The following GK variants were observed in gnomAD, a reference collection of about 807,000 sequenced individuals.
GK encodes the protein glycerol kinase.
GK carries 9 observed loss-of-function variants against 56.4 expected under a neutral mutation model. The ratio of observed to expected loss-of-function variants is 0.16; its 90% CI spans 0.10 to 0.28. The LOEUF is 0.28. GK is among the 10% of genes least tolerant of loss of function. The pLI is 1.00. For synonymous variants in GK, 104 were observed against 144.1 expected (o/e 0.72, Z 1.99); for missense variants, 161 against 431.4 (o/e 0.37, Z 5.55).
At chrX:30,682,464 G>A (rs967519875) in intron 4 of GK, among the ~76,000 whole-genome samples, 1 of 111,762 alleles carries the variant, frequency 8.9e-6, no homozygotes, top group Non-Finnish European at 1.9e-5. Context: ...AAGGGAAATA[G>A]GAAAGGAGGA....
intron 18 of GK, chrX:30,721,318 G>GTCTC: frequency 3.9e-6 from 1 of 255,353 alleles, no homozygotes; most frequent in South Asian, 4.5e-5. Context: ...TTGAGACGGA[G>GTCTC]TCTCACTTTG....
At chrX:30,720,526 G>C (rs1023968822) in intron 16 of GK, 95 bp from the exon 17 acceptor site, 2 of 799,082 alleles carry the variant, frequency 2.5e-6, no homozygotes, top group Middle Eastern at 4.2e-4. Flanking sequence ...ATAGGCTCTT[G>C]GAAGCTCTTG....
intron 20 of GK, 25 bp downstream of exon 20, chrX:30,727,577 A>T: frequency 1.1e-6 from 1 of 905,723 alleles, no homozygotes; most frequent in Non-Finnish European, 1.6e-6. Flanking sequence ...AAATTAGACA[A>T]CTCTATTAGT....
intron 6 of GK, 32 bp from the exon 7 acceptor site, chrX:30,696,010 C>A (rs1254436786): frequency 1.3e-6 from 1 of 769,195 alleles, no homozygotes; most frequent in African/African-American, 2.0e-5. Context: ...CCAATAAGTA[C>A]AAATTTAACC....
intron 3 of GK, among the ~76,000 whole-genome samples, chrX:30,676,003 C>T (rs1337086866): frequency 3.6e-5 from 4 of 112,049 alleles, no homozygotes; most frequent in Non-Finnish European, 7.5e-5. Flanking sequence ...GTTGGCCAGG[C>T]TGATCTTGAG....
chrX:30,703,222 CAA>C (rs1207068149), intron 11 of GK, among the ~76,000 whole-genome samples: 2 of 111,853 alleles, frequency 1.8e-5, no homozygotes, highest in Admixed American at 1.9e-4. Flanking sequence ...AGGGAAGTGA[CAA>C]AAAATATAAA....
At chrX:30,664,702 C>CT (rs35313243) in intron 1 of GK, among the ~76,000 whole-genome samples, 14,663 of 57,666 alleles carry the variant, frequency 0.25, 2,016 homozygotes, top group Non-Finnish European at 0.29. Flanking sequence ...ACTCTATTGC[C>CT]TTTTTTTTTT....
At chrX:30,668,301 G>A (rs759505335) in intron 3 of GK, among the ~76,000 whole-genome samples, 183 bp downstream of exon 3, 2 of 112,559 alleles carry the variant, frequency 1.8e-5, no homozygotes, top group East Asian at 5.5e-4. Context: ...TTGGATGGGG[G>A]CGAGATAATA....
At chrX:30,696,496 C>T (rs1197405868) in intron 7 of GK, 121 bp from the exon 8 acceptor site, 1 of 540,189 alleles carries the variant, frequency 1.9e-6, no homozygotes, top group East Asian at 3.4e-5. Context: ...TGCTATCTAA[C>T]TCCATGCTCA....
In GK at chrX:30,720,090, C is replaced by T. The variant is rs761879539; in HGVS notation, c.1231C>T (p.Arg411Ter). The change falls in exon 16 of 21, where the codon CGA becomes TGA. Residue 411 changes from arginine to a stop codon, truncating the protein, a stop_gained. Transcript: ENST00000427190. LOFTEE classifies it high-confidence loss of function. ...AALEAVCFQT[R>*]EILDAMNRDC... is the part of the protein sequence containing the mutation. ...ATTAGAAGCTGTTTGTTTCCAAACT[C>T]GAGAGGTAACAAATATGGGCCTGTT... is the stretch of plus-strand genomic sequence containing the variant. 8.6e-7 allele frequency: 1 copy of T among 1,158,273 alleles called. No homozygotes were observed. Among genetic ancestry groups the T allele is most frequent in the Admixed American group, 2.2e-5 (1 of 45,890 alleles).
chrX:30,717,497 G>A (rs1166689524), intron 13 of GK, among the ~76,000 whole-genome samples: 1 of 110,402 alleles, frequency 9.1e-6, no homozygotes, highest in Non-Finnish European at 1.9e-5. Flanking sequence ...CTATCCCCCA[G>A]CCCAGGCAAC....
chrX:30,700,350 G>T (rs984651853), intron 9 of GK, 64 bp from the exon 10 acceptor site: 21 of 735,623 alleles, frequency 2.9e-5, no homozygotes, highest in African/African-American at 2.1e-4. Flanking sequence ...CACTCTTGTT[G>T]CAGCTATGTT....
chrX:30,669,131 T>A (rs1933288206), intron 3 of GK, among the ~76,000 whole-genome samples: 1 of 110,096 alleles, frequency 9.1e-6, no homozygotes, highest in Non-Finnish European at 1.9e-5. Flanking sequence ...TTCCCTGAAA[T>A]AATTGCTTGA....
intron 3 of GK, among the ~76,000 whole-genome samples, chrX:30,673,091 G>C (rs764753172): frequency 1.8e-5 from 2 of 111,446 alleles, no homozygotes; most frequent in East Asian, 5.6e-4. Flanking sequence ...ATAACTTCAC[G>C]GAAAATTTTA....
At position 30,720,840 on chromosome X, in the gene GK, C is replaced by G. The variant is rs1936861043; in HGVS notation, c.1358-12C>G. The G allele has an allele frequency of 8.3e-7, 1 of 1,210,042 alleles. No individual in the cohort carries two copies. The highest frequency in any genetic ancestry group is 2.2e-5 in the Admixed American group (1 of 45,820). On this transcript the variant is annotated splice_polypyrimidine_tract_variant and intron_variant, in intron 17 of 20. Transcript: ENST00000427190. ...TAACCACAAAGATATTGATGGAACT[C>G]TCTCTCCTCAGTGAAGCCCTCAATG...
At chrX:30,680,134 T>C (rs1934197495) in intron 4 of GK, among the ~76,000 whole-genome samples, 1 of 111,566 alleles carries the variant, frequency 9.0e-6, no homozygotes, top group Non-Finnish European at 1.9e-5. Context: ...AGTAAAGAAA[T>C]GGATGAGTTT....
At chrX:30,666,520 A>T (rs184930968) in intron 2 of GK, among the ~76,000 whole-genome samples, 1 of 111,839 alleles carries the variant, frequency 8.9e-6, no homozygotes, top group East Asian at 2.8e-4. Context: ...TGCTGGAAAT[A>T]TTTTGTATCT....
In GK at chrX:30,721,949, A is replaced by G. The variant is rs183780612; in HGVS notation, c.1501+954A>G. ...TATAACTTTTTAGAAACCTATGCAT[A>G]AAATAGCATCAGCTGGGAATGGTAA... On this transcript the variant is annotated intron_variant, in intron 18 of 20. Coordinates refer to ENST00000427190, the MANE Select transcript of GK (RefSeq NM_001205019.2). 14 of 112,599 alleles carry G rather than the reference A, an allele frequency of 1.2e-4. No individual in the cohort carries two copies. The East Asian group carries it at 3.9e-3, about 31-fold the overall frequency. 9.3% of individuals were successfully genotyped at this position (112,599 alleles called of 1,213,427 possible). A position where few individuals can be genotyped will look rare whatever the true frequency, so the allele number is the denominator to read the frequency against.
chrX:30,683,637 C>T (rs961367625), intron 4 of GK, among the ~76,000 whole-genome samples: 1 of 111,793 alleles, frequency 8.9e-6, no homozygotes, highest in African/African-American at 3.3e-5. Flanking sequence ...CTATCAGATA[C>T]AATTATAAAC....
Sources: gnomAD v4.1 joint callset for allele counts (sites outside exome capture counted in the v4.1 genomes callset) on GRCh38, gnomAD v4.1.1 for gene constraint, MANE v1.5 for transcripts, NCBI Gene and HGNC (gene_info 2026-07-23, HGNC 2026-07-21) for gene names.